Variants in RNF144B observed in about 807,000 individuals in gnomAD.
RNF144B encodes the protein ring finger protein 144B.
A neutral mutation model predicts 40.2 loss-of-function variants in RNF144B; 25 were observed. The observed-to-expected ratio is 0.62, with a 90% CI of 0.45 to 0.87. RNF144B has a LOEUF of 0.87. Ranked by LOEUF, RNF144B falls within the 40% of genes least tolerant of loss-of-function variation. The pLI, the probability that RNF144B is intolerant of heterozygous loss-of-function variation, is 0.00. For synonymous variants in RNF144B, 145 were observed against 136.3 expected, an observed-to-expected ratio of 1.06 and a Z score of -0.44; for missense variants, 365 against 373.7, an observed-to-expected ratio of 0.98 and a Z score of 0.19.
intron 2 of RNF144B, among the ~76,000 whole-genome samples, chr6:18,404,116 T>G (rs984635686): frequency 1.1e-4 from 16 of 152,122 alleles, no homozygotes; most frequent in Non-Finnish European, 1.8e-4. Flanking sequence ...GCAGAGACAT[T>G]TACAGTTTGG....
intron 2 of RNF144B, among the ~76,000 whole-genome samples, chr6:18,409,359 C>G (rs530126678): frequency 5.1e-5 from 6 of 117,878 alleles, no homozygotes; most frequent in Admixed American, 3.4e-4. Flanking sequence ...GCCCGGGCAC[C>G]TGAGTGAGAC....
In RNF144B at chr6:18,457,685, G is replaced by C. The variant is rs1259645664; in HGVS notation, c.536+326G>C. ...CGCTCTTTGCTCAGATACAGTATCT[G>C]CCTGTATTGGTATATATCATTCTTG... On this transcript the variant is annotated intron_variant, in intron 5 of 7. Transcript: ENST00000259939. This position sits in a 1 kb window ranked among gnomAD's most constrained non-coding sequence, Gnocchi z 5.1. 1.3e-5 allele frequency among the ~76,000 whole-genome samples: 2 copies of C among 152,138 alleles called. No individual in the cohort carries two copies. The highest frequency in any genetic ancestry group is 2.9e-5 in the Non-Finnish European group (2 of 68,040).
At chr6:18,396,482 A>G in intron 1 of RNF144B, 1 of 984,078 alleles carries the variant, frequency 1.0e-6, no homozygotes, top group Non-Finnish European at 1.2e-6. Flanking sequence ...ATCTCTTGCT[A>G]GGTCAGAACA....
rs1271357768 is a variant in RNF144B, at chr6:18,434,446, T to C, written c.271-5238T>C. On this transcript the variant is annotated intron_variant, in intron 3 of 7. Coordinates refer to ENST00000259939, the MANE Select transcript of RNF144B (RefSeq NM_182757.4). This position sits in a 1 kb window ranked among gnomAD's most constrained non-coding sequence, Gnocchi z 4.1. Reference sequence around the variant, plus strand: ...CGTGGTTAATACTGATTAACAGGTGTGCCTCACTTTTCATTTCTTCTTGGT... The same window carrying C: ...CGTGGTTAATACTGATTAACAGGTGCGCCTCACTTTTCATTTCTTCTTGGT... Among the ~76,000 whole-genome samples, 1 of 152,192 alleles carries C rather than the reference T, an allele frequency of 6.6e-6. No individual in the cohort carries two copies. Among genetic ancestry groups the C allele is most frequent in the Non-Finnish European group, 1.5e-5 (1 of 68,046 alleles).
rs769216934 is a variant in RNF144B, at chr6:18,387,420, C to A, written c.-247C>A. The A allele has an allele frequency of 3.1e-5, 37 of 1,181,822 alleles. No homozygotes were observed. Among genetic ancestry groups the A allele is most frequent in the Non-Finnish European group, 3.8e-5 (35 of 932,270 alleles). 73.2% of individuals were successfully genotyped at this position (1,181,822 alleles called of 1,614,324 possible). ...CTGCCAGTCAAGGCTAGGAGGCGGT[C>A]GGGGACTCCGCCTCCTCCCGACCCG... On this transcript the variant is annotated 5_prime_UTR_variant, in exon 1 of 8. Coordinates refer to ENST00000259939, the MANE Select transcript of RNF144B (RefSeq NM_182757.4).
In RNF144B at chr6:18,457,510, A is replaced by C; in HGVS notation, c.536+151A>C. 1 of 656,832 alleles carries C rather than the reference A, an allele frequency of 1.5e-6. No homozygotes were observed. Among genetic ancestry groups the C allele is most frequent in the Non-Finnish European group, 2.7e-6 (1 of 372,146 alleles). The allele number at this position is 656,832 out of a possible 1,614,324, so 40.7% of individuals were successfully genotyped here. ...CCTGAGAAGTGTCTCAGAATTGGTA[A>C]GTTGCCAACAAAAAAGCATTTCTAG... is the stretch of plus-strand genomic sequence containing the variant. On this transcript the variant is annotated intron_variant, in intron 5 of 7. Coordinates refer to ENST00000259939, the MANE Select transcript of RNF144B (RefSeq NM_182757.4). The surrounding 1 kb of genome is among the most constrained non-coding windows in gnomAD (Gnocchi z 5.1).
Position 18,466,527 on chromosome 6 carries a change from TG to T in RNF144B, c.*1461del, listed in dbSNP as rs988924615. On this transcript the variant is annotated 3_prime_UTR_variant, in exon 8 of 8. Coordinates refer to ENST00000259939, the MANE Select transcript of RNF144B (RefSeq NM_182757.4). ...TAGTCAGATTTGAATAACGAGGTTT[TG>T]AAAGGATAAAACCTTTTCTCCAATG... 5.6e-4 allele frequency: 86 copies of T among 152,786 alleles called. No individual in the cohort carries two copies. Among genetic ancestry groups the T allele is most frequent in the African/African-American group, 1.9e-3 (81 of 41,580 alleles). 9.5% of individuals were successfully genotyped at this position (152,786 alleles called of 1,614,324 possible).
In RNF144B at chr6:18,387,562, G is replaced by A; in HGVS notation, c.-105G>A. 1.5e-6 allele frequency: 2 copies of A among 1,327,978 alleles called. No homozygotes were observed. The highest frequency in any genetic ancestry group is 2.0e-6 in the Non-Finnish European group (2 of 1,009,766). The allele number at this position is 1,327,978 out of a possible 1,614,324, so 82.3% of individuals were successfully genotyped here. On this transcript the variant is annotated 5_prime_UTR_variant, in exon 1 of 8. Transcript: ENST00000259939. ...CTCCTGTCCGGTGTGCCAGCAGCCCGGACTGGCGGTGAGCGCGAGGGAGGC... is the reference window on the plus strand; with the variant it reads ...CTCCTGTCCGGTGTGCCAGCAGCCCAGACTGGCGGTGAGCGCGAGGGAGGC...
At chr6:18,433,290 G>C (rs753746937) in intron 3 of RNF144B, among the ~76,000 whole-genome samples, 1 of 152,188 alleles carries the variant, frequency 6.6e-6, no homozygotes, top group African/African-American at 2.4e-5. Flanking sequence ...GCTGCAATAC[G>C]TGTTGGCTGG....
Position 18,406,944 on chromosome 6 carries a change from A to G in RNF144B, c.165+7245A>G, listed in dbSNP as rs1289865717. Among the ~76,000 whole-genome samples the G allele has an allele frequency of 3.3e-5, 5 of 152,300 alleles. No individual in the cohort carries two copies. The East Asian group carries it at 5.8e-4, about 18-fold the overall frequency. On this transcript the variant is annotated intron_variant, in intron 2 of 7. Coordinates refer to ENST00000259939, the MANE Select transcript of RNF144B (RefSeq NM_182757.4). This position sits in a 1 kb window ranked among gnomAD's most constrained non-coding sequence, Gnocchi z 4.2. ...GGAAGGGGAAGCAGCCACGTCTTACATAGTAGCAGGCGAGAAAGAGAGCAC... is the reference window on the plus strand; with the variant it reads ...GGAAGGGGAAGCAGCCACGTCTTACGTAGTAGCAGGCGAGAAAGAGAGCAC...
chr6:18,401,005 G>T (rs942508874), intron 2 of RNF144B, among the ~76,000 whole-genome samples: 2 of 152,168 alleles, frequency 1.3e-5, no homozygotes, highest in Admixed American at 6.5e-5. Context: ...TCTGAAGGCT[G>T]TCCTTCAAAA....
At chr6:18,415,924 T>C (rs181975398) in intron 2 of RNF144B, among the ~76,000 whole-genome samples, 3 of 151,988 alleles carry the variant, frequency 2.0e-5, no homozygotes, top group African/African-American at 7.2e-5. Context: ...GAGACTCTAA[T>C]AGTAGGAGGA....
intron 1 of RNF144B, among the ~76,000 whole-genome samples, chr6:18,393,388 G>C (rs943983910): frequency 1.5e-4 from 23 of 152,202 alleles, no homozygotes; most frequent in African/African-American, 5.5e-4. Context: ...TTCCTTCATT[G>C]CTGTTGCTAC....
chr6:18,436,389 T>C (rs1758824825), intron 3 of RNF144B, among the ~76,000 whole-genome samples: 1 of 152,222 alleles, frequency 6.6e-6, no homozygotes, highest in South Asian at 2.1e-4. Context: ...ATTAGTGAGA[T>C]TTGAATAAGG....
At chr6:18,436,427 C>G (rs1443575666) in intron 3 of RNF144B, among the ~76,000 whole-genome samples, 1 of 152,026 alleles carries the variant, frequency 6.6e-6, no homozygotes, top group East Asian at 1.9e-4. Flanking sequence ...TCTATTGTAT[C>G]GAAATATAAA....
rs561658613 is a variant in RNF144B at position 18,419,823 on chromosome 6, T to C, written c.166-7758T>C. 1.3e-5 allele frequency among the ~76,000 whole-genome samples: 2 copies of C among 152,304 alleles called. No homozygotes were observed. Among genetic ancestry groups the C allele is most frequent in the East Asian group, 3.9e-4 (2 of 5,178 alleles). On this transcript the variant is annotated intron_variant, in intron 2 of 7. Coordinates refer to ENST00000259939, the MANE Select transcript of RNF144B (RefSeq NM_182757.4). This position sits in a 1 kb window ranked among gnomAD's most constrained non-coding sequence, Gnocchi z 4.6. ...AGGAAGAGGAGTGAGAGAGGGCTGT[T>C]CTATGCTGTTTTATTATGACTTTTC...
rs1795222334 is a variant in RNF144B, at chr6:18,419,927, G to A, written c.166-7654G>A. Among the ~76,000 whole-genome samples, 1 of 152,190 alleles carries A rather than the reference G, an allele frequency of 6.6e-6. No homozygotes were observed. Among genetic ancestry groups the A allele is most frequent in the South Asian group, 2.1e-4 (1 of 4,826 alleles). On this transcript the variant is annotated intron_variant, in intron 2 of 7. Coordinates refer to ENST00000259939, the MANE Select transcript of RNF144B (RefSeq NM_182757.4). This position sits in a 1 kb window ranked among gnomAD's most constrained non-coding sequence, Gnocchi z 4.6. Reference sequence around the variant, plus strand: ...AATTCAAGACATAGGAAAGAAAACAGGTAATGAATAGGTAAATTTCCTGAA... The same window carrying A: ...AATTCAAGACATAGGAAAGAAAACAAGTAATGAATAGGTAAATTTCCTGAA...
intron 3 of RNF144B, among the ~76,000 whole-genome samples, chr6:18,427,990 C>T (rs1036409932): frequency 5.3e-5 from 8 of 152,118 alleles, no homozygotes; most frequent in Non-Finnish European, 8.8e-5. Flanking sequence ...CTCTGTGTCC[C>T]CACCCAAATC....
Position 18,405,875 on chromosome 6 carries a change from A to G in RNF144B, c.165+6176A>G, listed in dbSNP as rs1415915735. ...GTGGCAAGAGAGGAAAGAACAGCAG[A>G]AGAAAACCATACTATTAAGGCCCTA... On this transcript the variant is annotated intron_variant, in intron 2 of 7. Transcript: ENST00000259939. This position sits in a 1 kb window ranked among gnomAD's most constrained non-coding sequence, Gnocchi z 4.5. Among the ~76,000 whole-genome samples the G allele has an allele frequency of 6.6e-6, 1 of 152,218 alleles. No homozygotes were observed. Among genetic ancestry groups the G allele is most frequent in the East Asian group, 1.9e-4 (1 of 5,186 alleles).
Sources: gnomAD v4.1 joint callset for allele counts (sites outside exome capture counted in the v4.1 genomes callset) on GRCh38, gnomAD v4.1.1 for gene constraint, Gnocchi (gnomAD v3.1) non-coding constraint, MANE v1.5 for transcripts, NCBI Gene and HGNC (gene_info 2026-07-23, HGNC 2026-07-21) for gene names.